The following TMEM135 variants were observed in gnomAD, a reference collection of about 807,000 sequenced individuals.
The protein encoded by TMEM135 is peroxisomal membrane protein 52.
Under a neutral mutation model 60.3 loss-of-function variants are expected in TMEM135, and 30 were observed. That is an observed-to-expected ratio of 0.50 (90% CI 0.37 to 0.68). TMEM135 has a LOEUF of 0.68. Among genes scored for constraint, TMEM135 ranks in the 30% least tolerant of loss-of-function variants. The probability of loss-of-function intolerance (pLI) is 0.00; values close to 1 mark genes in which losing one functional copy is unlikely to be tolerated. For missense variants in TMEM135, 468 were observed against 548.8 expected, an observed-to-expected ratio of 0.85 and a Z score of 1.47; for synonymous variants, 190 against 186.7, an observed-to-expected ratio of 1.02 and a Z score of -0.14.
chr11:87,184,137 G>A (rs80022814), intron 5 of TMEM135, among the ~76,000 whole-genome samples: 3,095 of 152,020 alleles, frequency 0.02, 34 homozygotes, highest in Non-Finnish European at 0.028. Flanking sequence ...TGTTCTTTTA[G>A]AATATTATAT....
At chr11:87,173,458 G>A (rs1939291628) in intron 5 of TMEM135, among the ~76,000 whole-genome samples, 1 of 152,108 alleles carries the variant, frequency 6.6e-6, no homozygotes, top group African/African-American at 2.4e-5. Flanking sequence ...AAGTTTTATA[G>A]TCTAGTGGCT....
At chr11:87,288,675 A>G (rs1485317341) in intron 6 of TMEM135, among the ~76,000 whole-genome samples, 1 of 142,776 alleles carries the variant, frequency 7.0e-6, no homozygotes, top group African/African-American at 2.6e-5. Context: ...TAGTTTTTTT[A>G]TATACAAGGA....
At chr11:87,171,338 G>GTTT (rs199500975) in intron 5 of TMEM135, among the ~76,000 whole-genome samples, 1 of 115,884 alleles carries the variant, frequency 8.6e-6, no homozygotes, top group Non-Finnish European at 1.8e-5. Flanking sequence ...ACAGTGTAGT[G>GTTT]TTTTTTTTTT....
At chr11:87,249,243 C>G (rs1941362008) in intron 6 of TMEM135, among the ~76,000 whole-genome samples, 1 of 151,998 alleles carries the variant, frequency 6.6e-6, no homozygotes, top group African/African-American at 2.4e-5. Context: ...TGTGTGACTG[C>G]TATTATGTGG....
rs141906170 is a variant in TMEM135, at chr11:87,278,701, T to C, written c.510-17081T>C. Among the ~76,000 whole-genome samples, 213 of 152,324 alleles carry C rather than the reference T, an allele frequency of 1.4e-3. 1 individual carries two copies. The highest frequency in any genetic ancestry group is 4.9e-3 in the African/African-American group (202 of 41,576). On this transcript the variant is annotated intron_variant, in intron 6 of 14. Transcript: ENST00000305494. ...TTTGAAAATTAACTTTGAGTTATAA[T>C]TTATATACAATAAAAATATACACAT... is the stretch of plus-strand genomic sequence containing the variant.
In TMEM135 at chr11:87,134,695, A is replaced by G. The variant is rs527891282; in HGVS notation, c.397-22646A>G. Among the ~76,000 whole-genome samples, 18 of 152,268 alleles carry G rather than the reference A, an allele frequency of 1.2e-4. No homozygotes were observed. The South Asian group carries it at 3.7e-3, about 32-fold the overall frequency. ...AGGTGGGGTTCTCACTATGTTGCCCAGTCTGGGCTTGAACTCCTGGACTCA... is the reference window on the plus strand; with the variant it reads ...AGGTGGGGTTCTCACTATGTTGCCCGGTCTGGGCTTGAACTCCTGGACTCA... On this transcript the variant is annotated intron_variant, in intron 4 of 14. Transcript: ENST00000305494.
At chr11:87,281,578 A>G (rs1387538366) in intron 6 of TMEM135, among the ~76,000 whole-genome samples, 1 of 152,224 alleles carries the variant, frequency 6.6e-6, no homozygotes, top group Non-Finnish European at 1.5e-5. Context: ...TTAAATATAA[A>G]CAAATACAGT....
chr11:87,264,868 C>CTT (rs10629142), intron 6 of TMEM135, among the ~76,000 whole-genome samples: 100,873 of 151,488 alleles, frequency 0.67, 33,945 homozygotes, highest in Non-Finnish European at 0.71. Context: ...TTCAAAGAGA[C>CTT]ATAAAAAGAG....
At chr11:87,268,394 G>A (rs1043466102) in intron 6 of TMEM135, among the ~76,000 whole-genome samples, 1 of 151,880 alleles carries the variant, frequency 6.6e-6, no homozygotes, top group African/African-American at 2.4e-5. Context: ...GGGATTACAG[G>A]TGTGAACCAC....
chr11:87,129,722 G>T (rs1937861530), intron 4 of TMEM135, among the ~76,000 whole-genome samples: 1 of 151,730 alleles, frequency 6.6e-6, no homozygotes, highest in Non-Finnish European at 1.5e-5. Context: ...TGTATTTTTA[G>T]TAGAGATGTG....
intron 5 of TMEM135, among the ~76,000 whole-genome samples, chr11:87,212,792 C>T (rs534139429): frequency 7.7e-6 from 1 of 129,612 alleles, no homozygotes; most frequent in South Asian, 2.4e-4. Context: ...CACTGCACTG[C>T]AACATGGGTG....
chr11:87,288,141 C>T (rs546652597), intron 6 of TMEM135, among the ~76,000 whole-genome samples: 6 of 152,120 alleles, frequency 3.9e-5, no homozygotes, highest in Non-Finnish European at 8.8e-5. Context: ...AGAGGACTTT[C>T]TGTAACAATG....
At chr11:87,077,764 C>T (rs1409048304) in intron 3 of TMEM135, among the ~76,000 whole-genome samples, 1 of 152,232 alleles carries the variant, frequency 6.6e-6, no homozygotes, top group Non-Finnish European at 1.5e-5. Context: ...CCTTCATCCT[C>T]CTCACCCAGC....
intron 5 of TMEM135, among the ~76,000 whole-genome samples, chr11:87,211,630 G>A (rs1940371904): frequency 6.6e-6 from 1 of 152,064 alleles, no homozygotes; most frequent in African/African-American, 2.4e-5. Context: ...CAGCAAAACA[G>A]ATCTGTTTTT....
At chr11:87,102,414 G>A (rs1234902437) in intron 4 of TMEM135, among the ~76,000 whole-genome samples, 2 of 152,128 alleles carry the variant, frequency 1.3e-5, no homozygotes, top group Admixed American at 6.6e-5. Context: ...TATGGGAAAA[G>A]TCTGACAAGA....
chr11:87,086,326 G>A (rs1857095019), intron 3 of TMEM135, among the ~76,000 whole-genome samples: 1 of 152,130 alleles, frequency 6.6e-6, no homozygotes, highest in Non-Finnish European at 1.5e-5. Flanking sequence ...CTGCACCCAG[G>A]CCTTGCTTAG....
intron 5 of TMEM135, among the ~76,000 whole-genome samples, chr11:87,180,381 A>G (rs1344080382): frequency 4.6e-5 from 7 of 152,130 alleles, no homozygotes; most frequent in Admixed American, 4.6e-4. Context: ...CTTCTCCCCA[A>G]GGCAGATGCA....
intron 1 of TMEM135, among the ~76,000 whole-genome samples, chr11:87,065,054 G>A (rs1444816414): frequency 1.3e-5 from 2 of 151,592 alleles, no homozygotes; most frequent in African/African-American, 2.4e-5. Context: ...AGCATTTCAT[G>A]TCATGGCTAT....
In TMEM135 at chr11:87,327,901, G is replaced by A. The variant is rs2134553474; in HGVS notation, c.*6568G>A. ...AGAGAAGCCAATTCTCCTTTCTTCT[G>A]TTTTTATTCTACCCAGGCCTCCAGT... On this transcript the variant is annotated 3_prime_UTR_variant, in exon 15 of 15. Coordinates refer to ENST00000305494, the MANE Select transcript of TMEM135 (RefSeq NM_022918.4). 2.2e-6 allele frequency: 1 copy of A among 453,996 alleles called. No individual in the cohort carries two copies. The highest frequency in any genetic ancestry group is 4.4e-6 in the Non-Finnish European group (1 of 226,762). 28.1% of individuals were successfully genotyped at this position (453,996 alleles called of 1,614,324 possible).
Sources: gnomAD v4.1 joint callset for allele counts (sites outside exome capture counted in the v4.1 genomes callset) on GRCh38, gnomAD v4.1.1 for gene constraint, MANE v1.5 for transcripts, NCBI Gene and HGNC (gene_info 2026-07-23, HGNC 2026-07-21) for gene names.